TAFA2: variants seen among roughly 807,000 people sequenced by gnomAD.
The protein encoded by TAFA2 is TAFA chemokine like family member 2.
TAFA2 carries 7 observed loss-of-function variants against 18.8 expected under a neutral mutation model. The ratio of observed to expected loss-of-function variants is 0.37; its 90% CI spans 0.21 to 0.70. The LOEUF is 0.70. Among genes scored for constraint, TAFA2 ranks in the 30% least tolerant of loss-of-function variants. The pLI is 0.53. For missense variants in TAFA2, 122 were observed against 158.1 expected (o/e 0.77, Z 1.23); for synonymous variants, 60 against 54.2 (o/e 1.11, Z -0.47).
chr12:62,112,086 T>C (rs1284664470), intron 1 of TAFA2, among the ~76,000 whole-genome samples: 7 of 152,318 alleles, frequency 4.6e-5, no homozygotes, highest in Non-Finnish European at 2.9e-5. Context: ...ATAGTGTCGA[T>C]GGTCTTTACA....
intron 1 of TAFA2, among the ~76,000 whole-genome samples, chr12:62,046,557 C>A (rs2136767488): frequency 6.6e-6 from 1 of 152,056 alleles, no homozygotes; most frequent in South Asian, 2.1e-4. Context: ...CTGATTTTGG[C>A]TGTCTACACA....
At chr12:62,019,514 T>G (rs936640375) in intron 1 of TAFA2, among the ~76,000 whole-genome samples, 23 of 151,926 alleles carry the variant, frequency 1.5e-4, no homozygotes, top group South Asian at 4.2e-4. Flanking sequence ...GTTTATGTCC[T>G]TTGTAGGGAC....
At chr12:61,728,935 G>A (rs1460243715) in intron 4 of TAFA2, among the ~76,000 whole-genome samples, 2 of 151,840 alleles carry the variant, frequency 1.3e-5, no homozygotes, top group African/African-American at 2.4e-5. Flanking sequence ...TATTGGCTTG[G>A]TAGTAGCAAA....
intron 1 of TAFA2, among the ~76,000 whole-genome samples, chr12:62,024,224 A>C (rs916840198): frequency 1.8e-4 from 27 of 152,130 alleles, no homozygotes; most frequent in Admixed American, 9.2e-4. Flanking sequence ...TGTATTCTTG[A>C]TATATGCTAT....
At chr12:61,982,870 G>T (rs1879683487) in intron 1 of TAFA2, among the ~76,000 whole-genome samples, 1 of 29,622 alleles carries the variant, frequency 3.4e-5, no homozygotes. Flanking sequence ...ACCAGCAAGT[G>T]GAAGGCAAAA....
intron 2 of TAFA2, among the ~76,000 whole-genome samples, chr12:61,784,177 A>G (rs980726016): frequency 2.6e-5 from 4 of 151,496 alleles, no homozygotes; most frequent in Admixed American, 2.6e-4. Flanking sequence ...TAGAAATAAG[A>G]CCCCTCTTTA....
intron 1 of TAFA2, among the ~76,000 whole-genome samples, chr12:62,225,150 A>G (rs1345256994): frequency 6.6e-6 from 1 of 152,174 alleles, no homozygotes; most frequent in Non-Finnish European, 1.5e-5. Context: ...AGTTTAATCA[A>G]TTAATTAAGA....
At chr12:62,252,141 G>A (rs1255203572) in intron 1 of TAFA2, 2 of 152,194 alleles carry the variant, frequency 1.3e-5, no homozygotes, top group East Asian at 3.9e-4. Context: ...TTACCTGGTG[G>A]GATGATCCAG....
Position 61,852,484 on chromosome 12 carries a change from GA to G in TAFA2, c.106+14835del, listed in dbSNP as rs545651214. Reference sequence around the variant, plus strand: ...CTCTGAGAGGTCAAACAGAAAGCCAGAAGGATAATGCCATTATTCTTTGACT... The same window carrying G: ...CTCTGAGAGGTCAAACAGAAAGCCAGAGGATAATGCCATTATTCTTTGACT... On this transcript the variant is annotated intron_variant, in intron 2 of 4. Transcript: ENST00000416284. Among the ~76,000 whole-genome samples, 176 of 152,272 alleles carry G rather than the reference GA, an allele frequency of 1.2e-3. 2 individuals are homozygous for G. The highest frequency in any genetic ancestry group is 4.1e-3 in the African/African-American group (169 of 41,572).
intron 1 of TAFA2, among the ~76,000 whole-genome samples, chr12:61,983,536 C>A (rs1240070902): frequency 6.6e-6 from 1 of 151,930 alleles, no homozygotes; most frequent in East Asian, 1.9e-4. Context: ...GCCTCCCAAG[C>A]AGCTGGGACT....
intron 1 of TAFA2, among the ~76,000 whole-genome samples, chr12:62,211,061 A>G (rs933646015): frequency 1.3e-5 from 2 of 152,230 alleles, no homozygotes; most frequent in African/African-American, 4.8e-5. Context: ...TATCAGCAAG[A>G]GATCTTTAGG....
At chr12:61,904,322 C>T (rs1172009310) in intron 1 of TAFA2, among the ~76,000 whole-genome samples, 1 of 151,944 alleles carries the variant, frequency 6.6e-6, no homozygotes, top group African/African-American at 2.4e-5. Context: ...TACAAACTCC[C>T]CAAAAACTCA....
rs949015873 is a variant in TAFA2 at position 62,191,746 on chromosome 12, T to G, written c.-489A>C. On this transcript the variant is annotated 5_prime_UTR_variant, in exon 1 of 5. It removes the in-frame stop codon of an upstream open reading frame in the 5' UTR. Transcript: ENST00000416284. Reference sequence around the variant, plus strand: ...GCGGTCTTGCTGCAATTACCGCTCTTATTCCATCTCTGATTTGTTTGCTTT... The same window carrying G: ...GCGGTCTTGCTGCAATTACCGCTCTGATTCCATCTCTGATTTGTTTGCTTT... 1 of 152,280 alleles carries G rather than the reference T, an allele frequency of 6.6e-6. No individual in the cohort carries two copies. The highest frequency in any genetic ancestry group is 1.5e-5 in the Non-Finnish European group (1 of 68,124). The allele number at this position is 152,280 out of a possible 1,614,324, so 9.4% of individuals were successfully genotyped here. A position where few individuals can be genotyped will look rare whatever the true frequency, so the allele number is the denominator to read the frequency against.
chr12:62,149,924 A>C (rs2062315959), intron 1 of TAFA2, among the ~76,000 whole-genome samples: 1 of 152,152 alleles, frequency 6.6e-6, no homozygotes, highest in South Asian at 2.1e-4. Context: ...CCTTTTATAA[A>C]GATCGACGCA....
At position 62,056,245 on chromosome 12, in the gene TAFA2, G is replaced by A. The variant is rs540130174; in HGVS notation, c.-2+135014C>T. 2.6e-5 allele frequency among the ~76,000 whole-genome samples: 4 copies of A among 152,254 alleles called. No homozygotes were observed. The East Asian group carries it at 5.8e-4, about 22-fold the overall frequency. ...GACAAGGCAACCCACACAATAGCTT[G>A]CTACATCGCCAGATATTTAAAACAC... On this transcript the variant is annotated intron_variant, in intron 1 of 4. Coordinates refer to ENST00000416284, the MANE Select transcript of TAFA2 (RefSeq NM_178539.5).
At chr12:62,066,752 T>C (rs1882499973) in intron 1 of TAFA2, among the ~76,000 whole-genome samples, 1 of 152,042 alleles carries the variant, frequency 6.6e-6, no homozygotes, top group Non-Finnish European at 1.5e-5. Flanking sequence ...CATGGCTATG[T>C]TGAATAGTGC....
intron 2 of TAFA2, among the ~76,000 whole-genome samples, chr12:61,839,619 C>G (rs182893683): frequency 6.6e-6 from 1 of 152,050 alleles, no homozygotes; most frequent in East Asian, 1.9e-4. Context: ...CATCTAGAAG[C>G]CATTATTCTA....
intron 2 of TAFA2, among the ~76,000 whole-genome samples, chr12:61,863,359 A>G (rs1475898557): frequency 6.6e-6 from 1 of 152,222 alleles, no homozygotes; most frequent in Non-Finnish European, 1.5e-5. Flanking sequence ...ATCTTGTGGC[A>G]TTCCTGTGCC....
At chr12:62,142,478 T>C (rs972372362) in intron 1 of TAFA2, among the ~76,000 whole-genome samples, 1 of 152,170 alleles carries the variant, frequency 6.6e-6, no homozygotes, top group Non-Finnish European at 1.5e-5. Flanking sequence ...GGCACTGTAA[T>C]GTTTTCAGAA....
Sources: gnomAD v4.1 joint callset for allele counts (sites outside exome capture counted in the v4.1 genomes callset) on GRCh38, gnomAD v4.1.1 for gene constraint, MANE v1.5 for transcripts, NCBI Gene and HGNC (gene_info 2026-07-23, HGNC 2026-07-21) for gene names.